The following SAMD8 variants were observed in gnomAD, a reference collection of about 807,000 sequenced individuals.
SAMD8 encodes the protein sterile alpha motif domain containing 8, also known as sphingomyelin synthase-related protein 1.
Under a neutral mutation model 42.0 loss-of-function variants are expected in SAMD8, and 20 were observed. The observed-to-expected ratio is 0.48, with a 90% CI of 0.34 to 0.69. SAMD8 has a LOEUF of 0.69. Among genes scored for constraint, SAMD8 ranks in the 30% least tolerant of loss-of-function variants. The pLI is 0.01. For synonymous variants in SAMD8, 162 were observed against 173.0 expected (o/e 0.94, Z 0.50); for missense variants, 328 against 511.6 (o/e 0.64, Z 3.46).
chr10:75,147,112 G>A (rs1456462419), intron 1 of SAMD8, among the ~76,000 whole-genome samples: 2 of 152,140 alleles, frequency 1.3e-5, no homozygotes. Flanking sequence ...CCTGATTGAG[G>A]TTGTAAAGAA....
intron 1 of SAMD8, chr10:75,105,895 CCT>C: frequency 6.5e-7 from 1 of 1,540,788 alleles, no homozygotes; most frequent in Non-Finnish European, 8.8e-7. Context: ...GGTGAAAAAC[CCT>C]GTCCCACACA....
chr10:75,146,108 T>A (rs1032136501), intron 1 of SAMD8, among the ~76,000 whole-genome samples: 7 of 151,960 alleles, frequency 4.6e-5, no homozygotes, highest in Non-Finnish European at 1.0e-4. Flanking sequence ...CCCCAAACTC[T>A]CAGCTCCATC....
intron 3 of SAMD8, among the ~76,000 whole-genome samples, chr10:75,165,695 G>T (rs1370623128): frequency 1.3e-5 from 2 of 150,216 alleles, no homozygotes; most frequent in South Asian, 2.1e-4. Context: ...AAGATTATTA[G>T]CCAGGCACAG....
At chr10:75,160,251 C>T (rs1222008317) in intron 2 of SAMD8, among the ~76,000 whole-genome samples, 1 of 152,032 alleles carries the variant, frequency 6.6e-6, no homozygotes, top group Non-Finnish European at 1.5e-5. Flanking sequence ...GGCTGGAGTG[C>T]AGTGGCGCGA....
chr10:75,156,446 ATTCACATGATC>A (rs1840412184), intron 2 of SAMD8, among the ~76,000 whole-genome samples: 1 of 152,176 alleles, frequency 6.6e-6, no homozygotes, highest in East Asian at 1.9e-4. Context: ...GGGGGAGCTT[ATTCACATGATC>A]TGAAAGTTTC....
At chr10:75,105,527 C>G (rs1370170710) in intron 1 of SAMD8, 1 of 921,966 alleles carries the variant, frequency 1.1e-6, no homozygotes, top group African/African-American at 1.6e-5. Context: ...GCCAGGCCCC[C>G]TTTAATCCTC....
chr10:75,141,353 CAAAAA>C (rs1183521701), intron 1 of SAMD8, among the ~76,000 whole-genome samples: 2 of 88,138 alleles, frequency 2.3e-5, no homozygotes, highest in Admixed American at 1.2e-4. Context: ...CACCCTGTCT[CAAAAA>C]AAAAAAAAAA....
At chr10:75,108,964 T>G (rs1848689069), upstream of SAMD8, 1 of 1,551,656 alleles carries the variant, frequency 6.4e-7, no homozygotes, top group Admixed American at 1.9e-5. Context: ...AAGAACTGCC[T>G]CTCCACGTCC....
At chr10:75,139,299 A>G (rs1401030284) in intron 1 of SAMD8, among the ~76,000 whole-genome samples, 1 of 152,146 alleles carries the variant, frequency 6.6e-6, no homozygotes, top group Non-Finnish European at 1.5e-5. Context: ...TTTGCATGAA[A>G]TGCTTTTTAA....
At chr10:75,108,136 G>A (rs1848629343), upstream of SAMD8, 2 of 1,613,482 alleles carry the variant, frequency 1.2e-6, no homozygotes, top group Non-Finnish European at 1.7e-6. Flanking sequence ...TGACAGTAGA[G>A]GCCCTTGTGG....
intron 4 of SAMD8, among the ~76,000 whole-genome samples, chr10:75,175,473 A>G (rs553868376): frequency 2.6e-5 from 4 of 152,272 alleles, no homozygotes; most frequent in African/African-American, 7.2e-5. Flanking sequence ...ACTTTTTATT[A>G]TAAAGGAACT....
intron 1 of SAMD8, among the ~76,000 whole-genome samples, chr10:75,139,159 G>C (rs928742944): frequency 7.3e-5 from 11 of 151,238 alleles, no homozygotes; most frequent in Non-Finnish European, 1.5e-4. Flanking sequence ...AATACAGACA[G>C]GGTTTCACAA....
upstream of SAMD8, among the ~76,000 whole-genome samples, chr10:75,107,058 G>A (rs757163319): frequency 4.6e-5 from 7 of 152,120 alleles, no homozygotes; most frequent in Non-Finnish European, 8.8e-5. Context: ...TTTGGGGGCC[G>A]GGTGCGGTGG....
In SAMD8 at chr10:75,176,680, A is replaced by T. The variant is rs1404297619; in HGVS notation, c.1236A>T (p.Arg412Ser). Residue 412 changes from arginine to serine, a missense_variant, in exon 6 of 6, where the codon AGA becomes AGT. This residue lies in a region of SAMD8 where 178 missense variants were observed against 325.6 expected (regional missense o/e 0.55). Transcript: ENST00000542569. The surrounding 1 kb of genome is among the most constrained non-coding windows in gnomAD (Gnocchi z 4.3). ...WPFSKPAIMK[R>S]LIG ...TTTCAAAACCAGCAATAATGAAAAG[A>T]CTAATTGGATGAATACTATCTTTCT... 1 of 1,529,670 alleles carries T rather than the reference A, an allele frequency of 6.5e-7. No homozygotes were observed. The highest frequency in any genetic ancestry group is 2.4e-5 in the East Asian group (1 of 40,826). The allele number at this position is 1,529,670 out of a possible 1,614,324, so 94.8% of individuals were successfully genotyped here. A position where few individuals can be genotyped will look rare whatever the true frequency, so the allele number is the denominator to read the frequency against.
At chr10:75,111,852 T>G in intron 1 of SAMD8, 130 bp downstream of exon 1, 1 of 1,107,720 alleles carries the variant, frequency 9.0e-7, no homozygotes. Flanking sequence ...GGGAGACGGT[T>G]GAGGGAACCG....
rs199953171 is a variant in SAMD8, at chr10:75,168,625, C to T, written c.759C>T (p.Ser253=). 2.2e-5 allele frequency: 36 copies of T among 1,613,304 alleles called. No individual in the cohort carries two copies. In the East Asian group the frequency reaches 3.1e-4, roughly 14 times the overall value. The change falls in exon 4 of 6, where the codon TCC becomes TCT. Residue 253 remains serine, a synonymous_variant. Transcript: ENST00000542569. ...RCFTMFVTSL[S]VPGQHLQCTG... ...TTACCATGTTTGTGACCTCCCTCTCCGTGCCAGGACAACACCTGCAGTGTA... is the reference window on the plus strand; with the variant it reads ...TTACCATGTTTGTGACCTCCCTCTCTGTGCCAGGACAACACCTGCAGTGTA...
In SAMD8 at chr10:75,158,799, C is replaced by T. The variant is rs145603312; in HGVS notation, c.579-5846C>T. ...ATGAATTTGTCTATTCTGGACATTT[C>T]GTATAAGTGGAACCATACAATATCG... is the stretch of plus-strand genomic sequence containing the variant. On this transcript the variant is annotated intron_variant, in intron 2 of 5. Coordinates refer to ENST00000542569, the MANE Select transcript of SAMD8 (RefSeq NM_001174156.2). Among the ~76,000 whole-genome samples the T allele has an allele frequency of 3.4e-3, 517 of 152,196 alleles. 2 individuals carry two copies. Among genetic ancestry groups the T allele is most frequent in the African/African-American group, 0.011 (477 of 41,548 alleles).
intron 1 of SAMD8, among the ~76,000 whole-genome samples, chr10:75,135,264 C>G (rs938095657): frequency 6.7e-6 from 1 of 149,580 alleles, no homozygotes; most frequent in African/African-American, 2.5e-5. Context: ...ACCAGCCTGA[C>G]CAACATGGAG....
intron 1 of SAMD8, chr10:75,102,089 C>T: frequency 3.6e-6 from 2 of 557,444 alleles, no homozygotes; most frequent in African/African-American, 1.9e-5. Context: ...AGGCACCTTT[C>T]CCTCCAGGCC....
Sources: gnomAD v4.1 joint callset for allele counts (sites outside exome capture counted in the v4.1 genomes callset) on GRCh38, gnomAD v4.1.1 for gene constraint, gnomAD v4.1.1 regional missense constraint, Gnocchi (gnomAD v3.1) non-coding constraint, MANE v1.5 for transcripts, NCBI Gene and HGNC (gene_info 2026-07-23, HGNC 2026-07-21) for gene names.